FRAS1: variants seen among roughly 807,000 people sequenced by gnomAD.
The protein encoded by FRAS1 is Fraser extracellular matrix complex subunit 1, also known as extracellular matrix organizing protein FRAS1.
A neutral mutation model predicts 435.2 loss-of-function variants in FRAS1; 290 were observed. The ratio of observed to expected loss-of-function variants is 0.67; its 90% CI spans 0.61 to 0.73. The LOEUF (loss-of-function observed/expected upper bound fraction) is 0.73, where lower values mean the gene tolerates loss of function less well. Ranked by LOEUF, FRAS1 falls within the 30% of genes least tolerant of loss-of-function variation. The probability of loss-of-function intolerance (pLI) is 0.00; values close to 1 mark genes in which losing one functional copy is unlikely to be tolerated. For missense variants in FRAS1, 4,860 were observed against 5,001.5 expected (o/e 0.97, Z 0.85); for synonymous variants, 1,800 against 1,851.0 (o/e 0.97, Z 0.71).
At chr4:78,519,157 A>G (rs986734834) in intron 66 of FRAS1, among the ~76,000 whole-genome samples, 174 bp from the exon 67 acceptor site, 4 of 151,104 alleles carry the variant, frequency 2.6e-5, no homozygotes, top group African/African-American at 9.7e-5. Context: ...TTTCTATTCC[A>G]TTAGTTCCTT....
intron 2 of FRAS1, among the ~76,000 whole-genome samples, chr4:78,199,243 G>C (rs747938296): frequency 2.0e-5 from 3 of 152,224 alleles, no homozygotes; most frequent in Non-Finnish European, 2.9e-5. Context: ...CAGAGAGACA[G>C]TGGAAAATGA....
At chr4:78,444,509 A>C (rs1718723720) in intron 41 of FRAS1, among the ~76,000 whole-genome samples, 1 of 152,198 alleles carries the variant, frequency 6.6e-6, no homozygotes, top group South Asian at 2.1e-4. Context: ...GTCATGGAGA[A>C]GGGAAGGGGA....
At chr4:78,114,042 T>C (rs774543902) in intron 2 of FRAS1, among the ~76,000 whole-genome samples, 74 of 152,198 alleles carry the variant, frequency 4.9e-4, no homozygotes, top group South Asian at 1.7e-3. Flanking sequence ...CAGCTTTCTA[T>C]ATATGGCTAG....
In FRAS1 at chr4:78,438,941, T is replaced by G; in HGVS notation, c.5406T>G (p.Thr1802=). The change falls in exon 40 of 74, where the codon ACT becomes ACG. Residue 1802 remains threonine (T), a synonymous_variant. Coordinates refer to ENST00000512123, the MANE Select transcript of FRAS1 (RefSeq NM_025074.7). ...TTGAAACTGATGGTCATCTGGTTAC[T>G]GATAGCTTCTATTTCTCTGTCTCTG... ...AVFETDGHLV[T]DSFYFSVSDM... is the part of the protein sequence containing the mutation. 2 of 1,612,390 alleles carry G rather than the reference T, an allele frequency of 1.2e-6. No individual in the cohort carries two copies. The highest frequency in any genetic ancestry group is 8.5e-7 in the Non-Finnish European group (1 of 1,179,574).
intron 61 of FRAS1, among the ~76,000 whole-genome samples, chr4:78,502,617 G>A (rs59998350): frequency 0.33 from 49,972 of 152,016 alleles, 8,941 homozygotes; most frequent in South Asian, 0.52. Context: ...ATTTTGGGCT[G>A]AGATGATGGG....
intron 65 of FRAS1, among the ~76,000 whole-genome samples, chr4:78,514,566 A>G (rs921042948): frequency 1.3e-5 from 2 of 152,214 alleles, no homozygotes; most frequent in Non-Finnish European, 2.9e-5. Context: ...TGAAAGTTTA[A>G]TTGGTCCACA....
chr4:78,237,888 A>T (rs1724831735), intron 3 of FRAS1, among the ~76,000 whole-genome samples: 1 of 152,148 alleles, frequency 6.6e-6, no homozygotes, highest in Non-Finnish European at 1.5e-5. Flanking sequence ...ATGTTATCCC[A>T]TTTAATATTA....
intron 35 of FRAS1, among the ~76,000 whole-genome samples, chr4:78,426,641 G>T (rs947901604): frequency 1.3e-5 from 2 of 152,162 alleles, no homozygotes; most frequent in African/African-American, 4.8e-5. Context: ...CTGACTTTAG[G>T]ACAAATGCAG....
intron 2 of FRAS1, among the ~76,000 whole-genome samples, chr4:78,134,259 T>C (rs1450607189): frequency 6.6e-6 from 1 of 152,200 alleles, no homozygotes; most frequent in East Asian, 1.9e-4. Context: ...TTTGTGTTCA[T>C]CTGACACTTC....
intron 38 of FRAS1, among the ~76,000 whole-genome samples, chr4:78,436,556 C>T (rs950718316): frequency 6.6e-6 from 1 of 152,020 alleles, no homozygotes; most frequent in Non-Finnish European, 1.5e-5. Flanking sequence ...AATATTGAAA[C>T]AAACCAAATG....
At chr4:78,089,032 A>T (rs1273243426) in intron 2 of FRAS1, among the ~76,000 whole-genome samples, 3 of 152,160 alleles carry the variant, frequency 2.0e-5, no homozygotes, top group Non-Finnish European at 4.4e-5. Context: ...ACCAACCGAA[A>T]TGTCCAACAA....
chr4:78,216,154 A>G (rs1723759210), intron 2 of FRAS1, among the ~76,000 whole-genome samples: 1 of 152,248 alleles, frequency 6.6e-6, no homozygotes, highest in East Asian at 1.9e-4. Flanking sequence ...TAATCAGTGA[A>G]TGAATGAACA....
At chr4:78,127,791 C>T (rs763457831) in intron 2 of FRAS1, among the ~76,000 whole-genome samples, 8 of 151,378 alleles carry the variant, frequency 5.3e-5, no homozygotes, top group Admixed American at 2.0e-4. Flanking sequence ...GGTACATGTG[C>T]GCAACGTGCA....
In FRAS1 at chr4:78,418,924, C is replaced by T. The variant is rs369181154; in HGVS notation, c.4426-25C>T. The T allele has an allele frequency of 2.9e-6, 4 of 1,397,018 alleles. No individual in the cohort carries two copies. The South Asian group carries it at 3.7e-5, about 13-fold the overall frequency. 86.5% of individuals were successfully genotyped at this position (1,397,018 alleles called of 1,614,324 possible). The stretch of plus-strand genomic sequence containing the variant: ...CTTTTGTTTTTCATACCATGTGTTC[C>T]TCTTCCTTCTTAAACTTTGTTTAGG... On this transcript the variant is annotated intron_variant, in intron 32 of 73. Transcript: ENST00000512123.
At chr4:78,317,626 T>C in intron 17 of FRAS1, 118 bp downstream of exon 17, 1 of 914,648 alleles carries the variant, frequency 1.1e-6, no homozygotes, top group Non-Finnish European at 1.6e-6. Flanking sequence ...TTTATGGCTA[T>C]CCATACATTA....
At chr4:78,192,558 G>A (rs189670514) in intron 2 of FRAS1, among the ~76,000 whole-genome samples, 19 of 152,234 alleles carry the variant, frequency 1.2e-4, no homozygotes, top group African/African-American at 3.9e-4. Flanking sequence ...GTTTATTTGC[G>A]TAGAGGTGTT....
At chr4:78,288,412 A>G (rs1727719913) in intron 14 of FRAS1, among the ~76,000 whole-genome samples, 1 of 152,152 alleles carries the variant, frequency 6.6e-6, no homozygotes, top group Non-Finnish European at 1.5e-5. Context: ...TACCACATAC[A>G]TATGACTTTT....
intron 2 of FRAS1, among the ~76,000 whole-genome samples, chr4:78,090,426 T>G (rs1741457220): frequency 6.6e-6 from 1 of 152,216 alleles, no homozygotes; most frequent in Middle Eastern, 3.2e-3. Context: ...ATACTAAGTT[T>G]AAAGCTATTT....
chr4:78,389,774 G>T (rs1415263756), intron 29 of FRAS1, among the ~76,000 whole-genome samples: 1 of 152,142 alleles, frequency 6.6e-6, no homozygotes, highest in Non-Finnish European at 1.5e-5. Context: ...CAACCATTTT[G>T]TGTGGAATGG....
Sources: allele counts gnomAD v4.1 joint callset (sites outside exome capture counted in the v4.1 genomes callset), GRCh38; gene constraint gnomAD v4.1.1; transcripts MANE v1.5; gene names NCBI Gene and HGNC (gene_info 2026-07-23, HGNC 2026-07-21).